Variants in COL7A1 observed in about 807,000 individuals in gnomAD.
The protein encoded by COL7A1 is collagen type VII alpha 1 chain, also known as collagen alpha-1(VII) chain.
A neutral mutation model predicts 456.2 loss-of-function variants in COL7A1; 296 were observed. The observed-to-expected ratio is 0.65, with a 90% CI of 0.59 to 0.71. COL7A1 has a LOEUF of 0.71. Ranked by LOEUF, COL7A1 falls within the 30% of genes least tolerant of loss-of-function variation. COL7A1 has a pLI of 0.00. For synonymous variants in COL7A1, 1,464 were observed against 1,525.9 expected, an observed-to-expected ratio of 0.96 and a Z score of 0.95; for missense variants, 3,441 against 4,017.2, an observed-to-expected ratio of 0.86 and a Z score of 3.88.
In COL7A1 at chr3:48,583,907, C is replaced by T. The variant is rs775810281; in HGVS notation, c.4271G>A (p.Gly1424Glu). The change falls in exon 39 of 119, where the codon GGG (glycine) becomes GAG (glutamate). Residue 1424 changes from glycine (G) to glutamate (E), a missense_variant. Coordinates refer to ENST00000681320, the MANE Select transcript of COL7A1 (RefSeq NM_000094.4). The surrounding 1 kb of genome is among the most constrained non-coding windows in gnomAD (Gnocchi z 5.1). ...AGCCTCAAGGCCCCTCACCGGCAGC[C>T]CAGGCTCCCCAGGAGCAATGCCACC... ...GEGGIAPGEP[G>E]LPGLPGSPGP... The T allele has an allele frequency of 1.2e-6, 2 of 1,613,914 alleles. No individual in the cohort carries two copies. Among genetic ancestry groups the T allele is most frequent in the East Asian group, 2.2e-5 (1 of 44,880 alleles).
chr3:48,567,389 C>A lies in COL7A1; in HGVS notation c.8046+185G>T. On this transcript the variant is annotated intron_variant, in intron 109 of 118. Transcript: ENST00000681320. The surrounding 1 kb of genome is among the most constrained non-coding windows in gnomAD (Gnocchi z 4.3). The stretch of plus-strand genomic sequence containing the variant: ...TGATGCACATGCCCCCTCCACCTCC[C>A]ATGCTTTCATCCTAACTCCACTGTG... 1.0e-6 allele frequency: 1 copy of A among 962,554 alleles called. No individual in the cohort carries two copies. Among genetic ancestry groups the A allele is most frequent in the Non-Finnish European group, 1.6e-6 (1 of 622,304 alleles). 59.6% of individuals were successfully genotyped at this position (962,554 alleles called of 1,614,324 possible). A position where few individuals can be genotyped will look rare whatever the true frequency, so the allele number is the denominator to read the frequency against.
At position 48,579,772 on chromosome 3, in the gene COL7A1, C is replaced by T. The variant is rs373695864; in HGVS notation, c.5154+13G>A. 9.3e-6 allele frequency: 15 copies of T among 1,614,100 alleles called. No individual in the cohort carries two copies. Among genetic ancestry groups the T allele is most frequent in the Non-Finnish European group, 1.3e-5 (15 of 1,180,032 alleles). On this transcript the variant is annotated intron_variant, in intron 58 of 118. Transcript: ENST00000681320. This position sits in a 1 kb window ranked among gnomAD's most constrained non-coding sequence, Gnocchi z 4.4. ...TGGGGTCTTTCTTACCCTCCACCCA[C>T]AGACCCTAATACCTTCTCTCTGGCT... is the stretch of plus-strand genomic sequence containing the variant.
Position 48,570,317 on chromosome 3 carries a change from C to T in COL7A1, c.7398G>A (p.Gly2466=), listed in dbSNP as rs544844647. 1 of 1,614,082 alleles carries T rather than the reference C, an allele frequency of 6.2e-7. No homozygotes were observed. Among genetic ancestry groups the T allele is most frequent in the African/African-American group, 1.3e-5 (1 of 75,006 alleles). ...LKGDKGDPGV[G]LPGPRGERGE... ...CACGCTCGCCTCGGGGCCCAGGCAG[C>T]CCTACTCCAGGGTCTCCCTGGAGAC... Residue 2466 remains glycine (G), a synonymous_variant, in exon 98 of 119, where the codon GGG becomes GGA. Coordinates refer to ENST00000681320, the MANE Select transcript of COL7A1 (RefSeq NM_000094.4). This position sits in a 1 kb window ranked among gnomAD's most constrained non-coding sequence, Gnocchi z 5.5.
chr3:48,566,701 C>T lies in COL7A1; in HGVS notation c.8263G>A (p.Ala2755Thr), dbSNP rs1280437374. Residue 2755 changes from alanine (A) to threonine (T), a missense_variant, in exon 112 of 119, where the codon GCT (alanine) becomes ACT (threonine). Ala to Thr is a moderately conservative substitution (Grantham distance 58). Around this residue, in one of 3 missense-constraint regions of COL7A1, gnomAD observed 2,084 missense variants for 2,501.3 expected, o/e 0.83. Transcript: ENST00000681320. This position sits in a 1 kb window ranked among gnomAD's most constrained non-coding sequence, Gnocchi z 5.9. Reference sequence around the variant, plus strand: ...CCAGGAGCTCCAGGGACCCCAGGAGCCCCCACCACTCTCTCTCCGGGGGGA... The same window carrying T: ...CCAGGAGCTCCAGGGACCCCAGGAGTCCCCACCACTCTCTCTCCGGGGGGA... ...RGPPGERVVG[A>T]PGVPGAPGER... 1.9e-6 allele frequency: 3 copies of T among 1,613,938 alleles called. No homozygotes were observed. Among genetic ancestry groups the T allele is most frequent in the African/African-American group, 1.3e-5 (1 of 74,994 alleles).
chr3:48,572,678 G>A lies in COL7A1; in HGVS notation c.6893C>T (p.Pro2298Leu). The A allele has an allele frequency of 6.2e-7, 1 of 1,604,688 alleles. No homozygotes were observed. Among genetic ancestry groups the A allele is most frequent in the Non-Finnish European group, 8.5e-7 (1 of 1,175,672 alleles). The change falls in exon 88 of 119, where the codon CCT (proline) becomes CTT (leucine). Residue 2298 changes from proline (P) to leucine (L), a missense_variant. Pro to Leu is a moderately conservative substitution (Grantham distance 98). Around this residue, in one of 3 missense-constraint regions of COL7A1, gnomAD observed 2,084 missense variants for 2,501.3 expected, o/e 0.83. Transcript: ENST00000681320. This position sits in a 1 kb window ranked among gnomAD's most constrained non-coding sequence, Gnocchi z 4.6. ...PKGEPGPTGA[P>L]GQAVVGLPGA... is the part of the protein sequence containing the mutation. Reference sequence around the variant, plus strand: ...GTCAGGGTCAAAGATCACCTGTCCAGGGGCCCCCGTGGGGCCAGGTTCTCC... The same window carrying A: ...GTCAGGGTCAAAGATCACCTGTCCAAGGGCCCCCGTGGGGCCAGGTTCTCC...
rs745814090 is a variant in COL7A1 at position 48,568,460 on chromosome 3, T to C, written c.7794+39A>G. 2 of 1,580,066 alleles carry C rather than the reference T, an allele frequency of 1.3e-6. No individual in the cohort carries two copies. Among genetic ancestry groups the C allele is most frequent in the African/African-American group, 1.4e-5 (1 of 74,028 alleles). On this transcript the variant is annotated intron_variant, in intron 105 of 118. Transcript: ENST00000681320. The surrounding 1 kb of genome is among the most constrained non-coding windows in gnomAD (Gnocchi z 5.2). ...GACCACCATGGTGACGGGGGCCCTC[T>C]GGGGACAGGGGGCCCCTGTGGGAGC...
chr3:48,569,356 A>G lies in COL7A1; in HGVS notation c.7686+19T>C. The G allele has an allele frequency of 6.2e-7, 1 of 1,612,802 alleles. No individual in the cohort carries two copies. The highest frequency in any genetic ancestry group is 1.3e-5 in the African/African-American group (1 of 74,862). On this transcript the variant is annotated intron_variant, in intron 103 of 118. Transcript: ENST00000681320. This position sits in a 1 kb window ranked among gnomAD's most constrained non-coding sequence, Gnocchi z 4.9. ...AGCCACAGGACCCCACAGAGAGTACACCACCCTCTTCCCTGTACCTTGTCA... is the reference window on the plus strand; with the variant it reads ...AGCCACAGGACCCCACAGAGAGTACGCCACCCTCTTCCCTGTACCTTGTCA...
chr3:48,594,688 T>A lies in COL7A1; in HGVS notation c.86-140A>T. Reference sequence around the variant, plus strand: ...AACCAGGGCCGAATCGGCCTGAGCCTGAGGGCCTTGGAGGGAGTTGAGCTC... The same window carrying A: ...AACCAGGGCCGAATCGGCCTGAGCCAGAGGGCCTTGGAGGGAGTTGAGCTC... On this transcript the variant is annotated intron_variant, in intron 2 of 118. Coordinates refer to ENST00000681320, the MANE Select transcript of COL7A1 (RefSeq NM_000094.4). The surrounding 1 kb of genome is among the most constrained non-coding windows in gnomAD (Gnocchi z 5.5). 1 of 1,063,088 alleles carries A rather than the reference T, an allele frequency of 9.4e-7. No homozygotes were observed. Among genetic ancestry groups the A allele is most frequent in the Non-Finnish European group, 1.4e-6 (1 of 738,646 alleles). The allele number at this position is 1,063,088 out of a possible 1,614,324, so 65.9% of individuals were successfully genotyped here. A position where few individuals can be genotyped will look rare whatever the true frequency, so the allele number is the denominator to read the frequency against.
Position 48,575,470 on chromosome 3 carries a change from G to A in COL7A1, c.6049C>T (p.Pro2017Ser). ...CCCCTCTCCCCAAGGGCCAGACCAG[G>A]TGGCCCCTGAGGGCCAGGGTCTCCA... ...DRGDPGPQGPPGLALGERGPP... is the reference protein window; with the variant it reads ...DRGDPGPQGPSGLALGERGPP... Residue 2017 changes from proline (P) to serine (S), a missense_variant, in exon 74 of 119, where the codon CCT (proline) becomes TCT (serine). Around this residue, in one of 3 missense-constraint regions of COL7A1, gnomAD observed 2,084 missense variants for 2,501.3 expected, o/e 0.83. Transcript: ENST00000681320. This position sits in a 1 kb window ranked among gnomAD's most constrained non-coding sequence, Gnocchi z 6.3. 6.2e-7 allele frequency: 1 copy of A among 1,611,882 alleles called. No homozygotes were observed. The highest frequency in any genetic ancestry group is 8.5e-7 in the Non-Finnish European group (1 of 1,179,620).
rs771508110 is a variant in COL7A1, at chr3:48,584,393, G to A, written c.4120-18C>T. The A allele has an allele frequency of 9.9e-6, 16 of 1,613,738 alleles. No individual in the cohort carries two copies. In the South Asian group the frequency reaches 1.8e-4, roughly 18 times the overall value. ...GGGGGGCCCTGATGGAGGAGACAAAGTATAAGGTGCAACCCCACAGACCTC... is the reference window on the plus strand; with the variant it reads ...GGGGGGCCCTGATGGAGGAGACAAAATATAAGGTGCAACCCCACAGACCTC... On this transcript the variant is annotated intron_variant, in intron 36 of 118. Coordinates refer to ENST00000681320, the MANE Select transcript of COL7A1 (RefSeq NM_000094.4).
At position 48,571,916 on chromosome 3, in the gene COL7A1, A is replaced by T; in HGVS notation, c.7068+85T>A. The T allele has an allele frequency of 6.6e-7, 1 of 1,508,106 alleles. No individual in the cohort carries two copies. 93.4% of individuals were successfully genotyped at this position (1,508,106 alleles called of 1,614,324 possible). The stretch of plus-strand genomic sequence containing the variant: ...TGCAGCCCGACTCAGGGGCTCAGAC[A>T]TGTGCCCCGGCCCAAGAGTGGCCCC... On this transcript the variant is annotated intron_variant, in intron 92 of 118. Coordinates refer to ENST00000681320, the MANE Select transcript of COL7A1 (RefSeq NM_000094.4). The surrounding 1 kb of genome is among the most constrained non-coding windows in gnomAD (Gnocchi z 4.6).
At position 48,587,966 on chromosome 3, in the gene COL7A1, A is replaced by G. The variant is rs748696361; in HGVS notation, c.2711-27T>C. Reference sequence around the variant, plus strand: ...TGGGGCAGGCGTGAGGGTGGGGGCCAAGAGCATGTGGGATAGTGACACCTG... The same window carrying G: ...TGGGGCAGGCGTGAGGGTGGGGGCCGAGAGCATGTGGGATAGTGACACCTG... On this transcript the variant is annotated intron_variant, in intron 21 of 118. Coordinates refer to ENST00000681320, the MANE Select transcript of COL7A1 (RefSeq NM_000094.4). The surrounding 1 kb of genome is among the most constrained non-coding windows in gnomAD (Gnocchi z 6.1). 13 of 1,565,130 alleles carry G rather than the reference A, an allele frequency of 8.3e-6. No homozygotes were observed. In the Admixed American group the frequency reaches 2.1e-4, roughly 25 times the overall value.
In COL7A1 at chr3:48,573,464, G is replaced by C. The variant is rs1478446897; in HGVS notation, c.6618+49C>G. On this transcript the variant is annotated intron_variant, in intron 83 of 118. Transcript: ENST00000681320. This position sits in a 1 kb window ranked among gnomAD's most constrained non-coding sequence, Gnocchi z 5.5. ...GTTGGCGCACACTACCCCAGGCATG[G>C]ACACAGCTTGAAGGAGCCTCCTCCT... The C allele has an allele frequency of 1.2e-6, 2 of 1,613,724 alleles. No homozygotes were observed. Among genetic ancestry groups the C allele is most frequent in the Admixed American group, 3.3e-5 (2 of 60,002 alleles).
chr3:48,594,319 A>AGTCTT lies in COL7A1; in HGVS notation c.266+44_266+48dup, dbSNP rs1220683944. The AGTCTT allele has an allele frequency of 6.3e-7, 1 of 1,594,334 alleles. No homozygotes were observed. The highest frequency in any genetic ancestry group is 1.3e-5 in the African/African-American group (1 of 74,722). ...GGGTCTCCTCCCTCTCTGGGGAAGG[A>AGTCTT]GTCTTGGTGGGGATCTCGTGGTCCC... On this transcript the variant is annotated intron_variant, in intron 3 of 118. Coordinates refer to ENST00000681320, the MANE Select transcript of COL7A1 (RefSeq NM_000094.4). The surrounding 1 kb of genome is among the most constrained non-coding windows in gnomAD (Gnocchi z 5.5).
chr3:48,570,407 G>A lies in COL7A1; in HGVS notation c.7380+58C>T. ...GACGCAGGGTCATGGGAGGTCAGTG[G>A]AGGCTGAAGGGGGTGACCAGGGCAC... On this transcript the variant is annotated intron_variant, in intron 97 of 118. Transcript: ENST00000681320. The surrounding 1 kb of genome is among the most constrained non-coding windows in gnomAD (Gnocchi z 5.5). 1 of 1,614,028 alleles carries A rather than the reference G, an allele frequency of 6.2e-7. No individual in the cohort carries two copies. The highest frequency in any genetic ancestry group is 1.7e-5 in the Admixed American group (1 of 60,024).
Position 48,579,582 on chromosome 3 carries a change from A to G in COL7A1, c.5235+6T>C. ...GCCTGCACCCCCGAGGACCAATCAC[A>G]CTCACCCTTTCCCCAGGGGCTCCAG... On this transcript the variant is annotated splice_donor_region_variant and intron_variant, in intron 59 of 118. Coordinates refer to ENST00000681320, the MANE Select transcript of COL7A1 (RefSeq NM_000094.4). This position sits in a 1 kb window ranked among gnomAD's most constrained non-coding sequence, Gnocchi z 4.4. 2 of 1,613,356 alleles carry G rather than the reference A, an allele frequency of 1.2e-6. No individual in the cohort carries two copies. Among genetic ancestry groups the G allele is most frequent in the African/African-American group, 1.3e-5 (1 of 74,854 alleles).
Position 48,567,452 on chromosome 3 carries a change from T to C in COL7A1, c.8046+122A>G. 2.2e-6 allele frequency: 3 copies of C among 1,391,010 alleles called. No individual in the cohort carries two copies. The highest frequency in any genetic ancestry group is 3.0e-6 in the Non-Finnish European group (3 of 989,364). The allele number at this position is 1,391,010 out of a possible 1,614,324, so 86.2% of individuals were successfully genotyped here. On this transcript the variant is annotated intron_variant, in intron 109 of 118. Coordinates refer to ENST00000681320, the MANE Select transcript of COL7A1 (RefSeq NM_000094.4). The surrounding 1 kb of genome is among the most constrained non-coding windows in gnomAD (Gnocchi z 4.3). ...CTTGACACCTCGAGACCAGCCCCACTTCAGCCCCCAAAGTCCCAACCCTCT... is the reference window on the plus strand; with the variant it reads ...CTTGACACCTCGAGACCAGCCCCACCTCAGCCCCCAAAGTCCCAACCCTCT...
Position 48,580,249 on chromosome 3 carries a change from C to G in COL7A1, c.5097+51G>C. On this transcript the variant is annotated intron_variant, in intron 56 of 118. Coordinates refer to ENST00000681320, the MANE Select transcript of COL7A1 (RefSeq NM_000094.4). This position sits in a 1 kb window ranked among gnomAD's most constrained non-coding sequence, Gnocchi z 4.5. ...TTGTGTGAAGGCACACTGGCAGCAG[C>G]GCCAGGGGACCCTCCATCCCTTCTG... is the stretch of plus-strand genomic sequence containing the variant. 1.3e-6 allele frequency: 2 copies of G among 1,594,818 alleles called. No homozygotes were observed. The highest frequency in any genetic ancestry group is 8.6e-7 in the Non-Finnish European group (1 of 1,168,338).
Position 48,565,314 on chromosome 3 carries a change from G to T in COL7A1, c.8527+96C>A. ...TGCCCATGCGTGTGCCCTGCATGCAGACCCTACGTGCTTGGCGTGTGCCCT... is the reference window on the plus strand; with the variant it reads ...TGCCCATGCGTGTGCCCTGCATGCATACCCTACGTGCTTGGCGTGTGCCCT... On this transcript the variant is annotated intron_variant, in intron 116 of 118. Coordinates refer to ENST00000681320, the MANE Select transcript of COL7A1 (RefSeq NM_000094.4). This position sits in a 1 kb window ranked among gnomAD's most constrained non-coding sequence, Gnocchi z 4.5. The T allele has an allele frequency of 6.7e-7, 1 of 1,500,952 alleles. No individual in the cohort carries two copies. Among genetic ancestry groups the T allele is most frequent in the South Asian group, 1.2e-5 (1 of 84,906 alleles). The allele number at this position is 1,500,952 out of a possible 1,614,324, so 93.0% of individuals were successfully genotyped here. A position where few individuals can be genotyped will look rare whatever the true frequency, so the allele number is the denominator to read the frequency against.
Sources: allele counts gnomAD v4.1 joint callset, GRCh38; gene constraint gnomAD v4.1.1; regional missense constraint gnomAD v4.1.1; non-coding constraint Gnocchi (gnomAD v3.1); transcripts MANE v1.5; gene names NCBI Gene and HGNC (gene_info 2026-07-23, HGNC 2026-07-21).